The following FGF7 variants were observed in gnomAD, a reference collection of about 807,000 sequenced individuals.
The protein encoded by FGF7 is fibroblast growth factor 7, also known as FGF-7.
FGF7 carries 6 observed loss-of-function variants against 20.5 expected under a neutral mutation model. The observed-to-expected ratio is 0.29, with a 90% CI of 0.16 to 0.58. FGF7 has a LOEUF of 0.58. Among genes scored for constraint, FGF7 ranks in the 20% least tolerant of loss-of-function variants. The pLI, the probability that FGF7 is intolerant of heterozygous loss-of-function variation, is 0.90. For missense variants in FGF7, 144 were observed against 228.8 expected (o/e 0.63, Z 2.39); for synonymous variants, 64 against 74.7 (o/e 0.86, Z 0.74).
chr15:49,434,359 A>G (rs1023566318), intron 2 of FGF7: 1 of 151,534 alleles, frequency 6.6e-6, no homozygotes, highest in Non-Finnish European at 1.5e-5. Flanking sequence ...TAGTAAGCAA[A>G]TATACAGTCC....
intron 2 of FGF7, among the ~76,000 whole-genome samples, chr15:49,447,902 G>A (rs1262829030): frequency 6.6e-6 from 1 of 151,578 alleles, no homozygotes; most frequent in African/African-American, 2.4e-5. Flanking sequence ...ATTAATATAA[G>A]GTAGAGGTAG....
intron 2 of FGF7, among the ~76,000 whole-genome samples, chr15:49,439,052 C>A (rs1048723396): frequency 6.6e-6 from 1 of 151,644 alleles, no homozygotes; most frequent in South Asian, 2.1e-4. Context: ...GGGACTCTTA[C>A]GAGGTTGCAA....
At chr15:49,479,957 C>T (rs1358790164) in intron 2 of FGF7, among the ~76,000 whole-genome samples, 1 of 152,166 alleles carries the variant, frequency 6.6e-6, no homozygotes, top group African/African-American at 2.4e-5. Context: ...TTGAAAGGAA[C>T]ATCACTCCCC....
intron 2 of FGF7, among the ~76,000 whole-genome samples, chr15:49,441,081 T>G (rs1054504451): frequency 6.6e-6 from 1 of 151,722 alleles, no homozygotes; most frequent in African/African-American, 2.4e-5. Context: ...TTAAAATGAA[T>G]GAGTAAATAA....
At position 49,431,221 on chromosome 15, in the gene FGF7, G is replaced by T. The variant is rs116555408; in HGVS notation, c.286+6638G>T. ...TCTAACATTTTTACCCCTCAAATAG[G>T]TTGTAAATGAAAATCCTCTGCCTTC... On this transcript the variant is annotated intron_variant, in intron 2 of 3. Transcript: ENST00000267843. Among the ~76,000 whole-genome samples the T allele has an allele frequency of 8.3e-3, 1,264 of 151,698 alleles. 25 individuals carry two copies. Among genetic ancestry groups the T allele is most frequent in the African/African-American group, 0.029 (1,208 of 41,420 alleles).
chr15:49,427,512 T>G (rs1000494586), intron 2 of FGF7, among the ~76,000 whole-genome samples: 2 of 152,022 alleles, frequency 1.3e-5, no homozygotes. Context: ...TTTGGAGGTC[T>G]TTTAAGTTAG....
chr15:49,438,874 AAG>A (rs1385301939), intron 2 of FGF7, among the ~76,000 whole-genome samples: 6 of 151,612 alleles, frequency 4.0e-5, no homozygotes, highest in Non-Finnish European at 8.9e-5. Flanking sequence ...AAGGAAAGAT[AAG>A]AGAGAGGGAG....
chr15:49,434,899 T>C (rs1222273023), intron 2 of FGF7, among the ~76,000 whole-genome samples: 2 of 151,578 alleles, frequency 1.3e-5, no homozygotes, highest in East Asian at 1.9e-4. Context: ...GTTCATACAA[T>C]GTTTTTCCTT....
At chr15:49,477,432 T>A (rs1392614553) in intron 2 of FGF7, among the ~76,000 whole-genome samples, 1 of 152,154 alleles carries the variant, frequency 6.6e-6, no homozygotes, top group Non-Finnish European at 1.5e-5. Flanking sequence ...AATCATACAG[T>A]ATGTGGCTTT....
At chr15:49,453,907 T>C (rs994424640) in intron 2 of FGF7, among the ~76,000 whole-genome samples, 7 of 152,186 alleles carry the variant, frequency 4.6e-5, no homozygotes, top group African/African-American at 1.7e-4. Context: ...GTGGAAGCCT[T>C]GCATTCCTCC....
intron 2 of FGF7, 86 bp downstream of exon 2, chr15:49,424,669 T>C: frequency 1.8e-6 from 2 of 1,087,048 alleles, no homozygotes; most frequent in Non-Finnish European, 2.6e-6. Flanking sequence ...ATCTTCCTTT[T>C]GCTTCTTGGA....
chr15:49,460,538 T>G (rs1162597803), intron 2 of FGF7, among the ~76,000 whole-genome samples: 1 of 152,190 alleles, frequency 6.6e-6, no homozygotes, highest in African/African-American at 2.4e-5. Context: ...TTTTGACATT[T>G]CTTCACAGTT....
intron 2 of FGF7, among the ~76,000 whole-genome samples, chr15:49,466,329 A>G (rs545076648): frequency 2.0e-5 from 3 of 152,310 alleles, no homozygotes; most frequent in South Asian, 2.1e-4. Flanking sequence ...AGAGCATTCT[A>G]TGTAATTCCA....
chr15:49,436,663 G>A (rs548647758), intron 2 of FGF7, among the ~76,000 whole-genome samples: 13 of 149,530 alleles, frequency 8.7e-5, no homozygotes, highest in Non-Finnish European at 1.7e-4. Flanking sequence ...GCAGATGGGG[G>A]AGATTTGGCT....
At chr15:49,460,254 G>C (rs1378590792) in intron 2 of FGF7, among the ~76,000 whole-genome samples, 2 of 152,120 alleles carry the variant, frequency 1.3e-5, no homozygotes, top group Non-Finnish European at 1.5e-5. Flanking sequence ...CTAGAAGTAG[G>C]TAAGCTGCAC....
chr15:49,429,465 T>C (rs773383575), intron 2 of FGF7, among the ~76,000 whole-genome samples: 7 of 152,020 alleles, frequency 4.6e-5, no homozygotes, highest in Non-Finnish European at 5.9e-5. Context: ...CTCTTTTCTC[T>C]TTTGTAAATC....
chr15:49,446,148 A>G (rs1299273332), intron 2 of FGF7, among the ~76,000 whole-genome samples: 4 of 151,602 alleles, frequency 2.6e-5, no homozygotes, highest in Non-Finnish European at 4.4e-5. Context: ...TAGGCTGACA[A>G]CAATTTTCAT....
intron 2 of FGF7, among the ~76,000 whole-genome samples, chr15:49,425,761 T>C (rs894962108): frequency 1.3e-5 from 2 of 151,824 alleles, no homozygotes; most frequent in Admixed American, 6.6e-5. Flanking sequence ...ATAATTGATA[T>C]AGAATGTTAA....
chr15:49,488,295 C>T lies in FGF7; in HGVS notation c.*3791C>T, dbSNP rs1180119056. 1 of 151,958 alleles carries T rather than the reference C, an allele frequency of 6.6e-6. No individual in the cohort carries two copies. Among genetic ancestry groups the T allele is most frequent in the Non-Finnish European group, 1.5e-5 (1 of 67,910 alleles). The allele number at this position is 151,958 out of a possible 1,614,324, so 9.4% of individuals were successfully genotyped here. A position where few individuals can be genotyped will look rare whatever the true frequency, so the allele number is the denominator to read the frequency against. The stretch of plus-strand genomic sequence containing the variant: ...AGCTACTCTTTATTCCACTTCTGTA[C>T]AGTATTTATTCAACCAAGCTGCTGC... On this transcript the variant is annotated 3_prime_UTR_variant, in exon 4 of 4. Coordinates refer to ENST00000267843, the MANE Select transcript of FGF7 (RefSeq NM_002009.4).
Sources: allele counts gnomAD v4.1 joint callset (sites outside exome capture counted in the v4.1 genomes callset), GRCh38; gene constraint gnomAD v4.1.1; transcripts MANE v1.5; gene names NCBI Gene and HGNC (gene_info 2026-07-23, HGNC 2026-07-21).